The following COL4A5 variants were observed in gnomAD, a reference collection of about 807,000 sequenced individuals.
The protein encoded by COL4A5 is collagen type IV alpha 5 chain.
Under a neutral mutation model 130.2 loss-of-function variants are expected in COL4A5, and 26 were observed. The observed-to-expected ratio is 0.20, with a 90% CI of 0.15 to 0.28. The LOEUF is 0.28. Ranked by LOEUF, COL4A5 falls within the 10% of genes least tolerant of loss-of-function variation. The pLI, the probability that COL4A5 is intolerant of heterozygous loss-of-function variation, is 1.00. For synonymous variants in COL4A5, 496 were observed against 439.6 expected (o/e 1.13, Z -1.60); for missense variants, 1,131 against 1,344.3 (o/e 0.84, Z 2.48).
chrX:108,593,029 A>C (rs1683976075), intron 21 of COL4A5, among the ~76,000 whole-genome samples: 1 of 111,283 alleles, frequency 9.0e-6, no homozygotes, highest in Non-Finnish European at 1.9e-5. Context: ...GTATTTTTCC[A>C]CCATTCTTTG....
At chrX:108,470,974 TG>T (rs757084161) in intron 1 of COL4A5, among the ~76,000 whole-genome samples, 1 of 111,853 alleles carries the variant, frequency 8.9e-6, no homozygotes, top group African/African-American at 3.2e-5. Context: ...GCTTTATTTC[TG>T]GGTTCTTTAC....
chrX:108,545,312 T>G (rs1363555045), intron 2 of COL4A5, among the ~76,000 whole-genome samples: 1 of 111,798 alleles, frequency 8.9e-6, no homozygotes, highest in Non-Finnish European at 1.9e-5. Context: ...TGTTGTGTCT[T>G]TGTTCTCGTT....
chrX:108,644,919 C>CAA (rs778790757), intron 36 of COL4A5, among the ~76,000 whole-genome samples: 8 of 47,531 alleles, frequency 1.7e-4, no homozygotes, highest in South Asian at 2.2e-3. Context: ...ACAACAACAA[C>CAA]AAAAAAAAAA....
At chrX:108,564,698 T>C (rs1476315797) in intron 4 of COL4A5, among the ~76,000 whole-genome samples, 8 of 111,961 alleles carry the variant, frequency 7.1e-5, no homozygotes, top group Non-Finnish European at 1.5e-4. Context: ...CCCTTTTAGC[T>C]CTGAAATACT....
chrX:108,539,658 G>A, intron 1 of COL4A5, 88 bp from the exon 2 acceptor site: 5 of 754,220 alleles, frequency 6.6e-6, no homozygotes, highest in Non-Finnish European at 1.0e-5. Context: ...TTTCAAGTTT[G>A]GATTGTTGAT....
chrX:108,686,658 A>G (rs1197805432), intron 48 of COL4A5, among the ~76,000 whole-genome samples: 1 of 112,173 alleles, frequency 8.9e-6, no homozygotes, highest in Non-Finnish European at 1.9e-5. Flanking sequence ...TTTGTACTCA[A>G]CCTACTTCCA....
intron 18 of COL4A5, among the ~76,000 whole-genome samples, chrX:108,586,212 T>C (rs1168084182): frequency 9.0e-6 from 1 of 111,368 alleles, no homozygotes; most frequent in Non-Finnish European, 1.9e-5. Flanking sequence ...ATCCTAACAA[T>C]AGATTGGAAT....
intron 2 of COL4A5, among the ~76,000 whole-genome samples, chrX:108,541,020 T>C (rs1374321032): frequency 2.7e-5 from 3 of 112,220 alleles, no homozygotes; most frequent in Non-Finnish European, 5.6e-5. Context: ...TAGGACAGTA[T>C]GTCTAGGGCA....
At chrX:108,584,368 T>G in intron 17 of COL4A5, 116 bp from the exon 18 acceptor site, 1 of 612,967 alleles carries the variant, frequency 1.6e-6, no homozygotes, top group Non-Finnish European at 2.7e-6. Context: ...CATTTCTCAT[T>G]TGAGGTATTT....
chrX:108,557,529 T>G (rs758577246), intron 2 of COL4A5, among the ~76,000 whole-genome samples: 1 of 111,985 alleles, frequency 8.9e-6, no homozygotes, highest in Admixed American at 9.5e-5. Flanking sequence ...AAATGAAAAG[T>G]GGAAACTGAC....
chrX:108,496,455 T>C (rs2065035226), intron 1 of COL4A5, among the ~76,000 whole-genome samples: 1 of 111,874 alleles, frequency 8.9e-6, no homozygotes, highest in South Asian at 3.7e-4. Flanking sequence ...TTTTTAAATT[T>C]ATAATTTTTT....
chrX:108,646,335 G>T (rs113671514), intron 36 of COL4A5, among the ~76,000 whole-genome samples: 2 of 111,625 alleles, frequency 1.8e-5, no homozygotes, highest in Non-Finnish European at 3.8e-5. Context: ...GGCCAGTGAG[G>T]ATAAGCATTT....
At chrX:108,653,764 C>A (rs1429598702) in intron 36 of COL4A5, among the ~76,000 whole-genome samples, 1 of 110,481 alleles carries the variant, frequency 9.1e-6, no homozygotes, top group Non-Finnish European at 1.9e-5. Context: ...TTAATTTTTT[C>A]ATGAATAACA....
At chrX:108,449,741 A>G (rs1445074221) in intron 1 of COL4A5, among the ~76,000 whole-genome samples, 2 of 105,987 alleles carry the variant, frequency 1.9e-5, no homozygotes, top group Non-Finnish European at 3.8e-5. Context: ...CACATGGTGA[A>G]AGGGGAAAGG....
At chrX:108,518,194 A>G (rs1288060768) in intron 1 of COL4A5, among the ~76,000 whole-genome samples, 1 of 111,160 alleles carries the variant, frequency 9.0e-6, no homozygotes, top group Non-Finnish European at 1.9e-5. Context: ...TAGAAATCTC[A>G]TTTACCCAAA....
At chrX:108,578,037 T>TA in intron 11 of COL4A5, 41 bp from the exon 12 acceptor site, 1 of 1,200,120 alleles carries the variant, frequency 8.3e-7, no homozygotes, top group East Asian at 3.0e-5. Context: ...TTCCTTTTCT[T>TA]ACTGTCAGTG....
chrX:108,495,531 G>T (rs190045805), intron 1 of COL4A5, among the ~76,000 whole-genome samples: 1 of 111,185 alleles, frequency 9.0e-6, no homozygotes, highest in Admixed American at 9.6e-5. Context: ...TTAGAAAATG[G>T]ACAAAAGATA....
intron 1 of COL4A5, among the ~76,000 whole-genome samples, chrX:108,477,236 C>G (rs1265140942): frequency 9.0e-6 from 1 of 111,584 alleles, no homozygotes; most frequent in Non-Finnish European, 1.9e-5. Context: ...TTAACCATCA[C>G]AAGTCCACCC....
intron 37 of COL4A5, among the ~76,000 whole-genome samples, chrX:108,661,152 AC>A (rs2067951430): frequency 8.9e-6 from 1 of 111,868 alleles, no homozygotes; most frequent in Admixed American, 9.5e-5. Context: ...TCACACGATG[AC>A]AAAATCGCCC....
Sources: gnomAD v4.1 joint callset for allele counts (sites outside exome capture counted in the v4.1 genomes callset) on GRCh38, gnomAD v4.1.1 for gene constraint, MANE v1.5 for transcripts, NCBI Gene and HGNC (gene_info 2026-07-23, HGNC 2026-07-21) for gene names.